The following RIMS1 variants were observed in gnomAD, a reference collection of about 807,000 sequenced individuals.
RIMS1 encodes the protein regulating synaptic membrane exocytosis 1.
A neutral mutation model predicts 214.1 loss-of-function variants in RIMS1; 83 were observed. The ratio of observed to expected loss-of-function variants is 0.39; its 90% confidence interval spans 0.32 to 0.47. The LOEUF is 0.47. RIMS1 is among the 20% of genes least tolerant of loss of function. The probability of loss-of-function intolerance (pLI) is 0.99; values close to 1 mark genes in which losing one functional copy is unlikely to be tolerated. For missense variants in RIMS1, 2,050 were observed against 2,161.8 expected (o/e 0.95, Z 1.03); for synonymous variants, 793 against 786.8 (o/e 1.01, Z -0.13).
intron 29 of RIMS1, among the ~76,000 whole-genome samples, chr6:72,350,771 G>A (rs541408432): frequency 1.3e-5 from 2 of 152,168 alleles, no homozygotes; most frequent in Admixed American, 1.3e-4. Flanking sequence ...TATATCAACA[G>A]GCAAAGAGAG....
intron 2 of RIMS1, among the ~76,000 whole-genome samples, chr6:72,048,860 G>A (rs1331528334): frequency 5.3e-5 from 8 of 152,198 alleles, no homozygotes; most frequent in Admixed American, 4.6e-4. Flanking sequence ...CCTACCATGT[G>A]TTGGCTTTTT....
At chr6:72,365,488 A>G (rs1216185809) in intron 29 of RIMS1, among the ~76,000 whole-genome samples, 4 of 152,248 alleles carry the variant, frequency 2.6e-5, no homozygotes, top group Non-Finnish European at 4.4e-5. Flanking sequence ...ATTCCAAAAT[A>G]TCACTTGCAG....
chr6:72,021,873 C>T (rs933792819), intron 2 of RIMS1, among the ~76,000 whole-genome samples: 1 of 152,134 alleles, frequency 6.6e-6, no homozygotes, highest in African/African-American at 2.4e-5. Flanking sequence ...TCACCCTCAC[C>T]TTTGAGGAGT....
At chr6:72,349,814 C>A (rs2097381837) in intron 29 of RIMS1, among the ~76,000 whole-genome samples, 1 of 151,842 alleles carries the variant, frequency 6.6e-6, no homozygotes, top group Non-Finnish European at 1.5e-5. Context: ...ACCTATTATT[C>A]AATTGTTTTT....
chr6:72,109,375 T>A (rs1056906461), intron 4 of RIMS1, among the ~76,000 whole-genome samples: 1 of 151,372 alleles, frequency 6.6e-6, no homozygotes, highest in African/African-American at 2.4e-5. Context: ...GTTTCCTGAC[T>A]TTTTAATGAT....
At chr6:72,352,967 G>T (rs1210155881) in intron 29 of RIMS1, among the ~76,000 whole-genome samples, 6 of 139,690 alleles carry the variant, frequency 4.3e-5, no homozygotes, top group South Asian at 2.5e-4. Flanking sequence ...TCATTTGAGA[G>T]TTTACATTCT....
chr6:72,042,527 A>C (rs1441713350), intron 2 of RIMS1, among the ~76,000 whole-genome samples: 1 of 151,882 alleles, frequency 6.6e-6, no homozygotes, highest in Non-Finnish European at 1.5e-5. Context: ...TATTTGGAGA[A>C]TATTTCCTTG....
intron 29 of RIMS1, among the ~76,000 whole-genome samples, chr6:72,377,953 C>A (rs1371966073): frequency 6.6e-6 from 1 of 152,168 alleles, no homozygotes; most frequent in Non-Finnish European, 1.5e-5. Context: ...CCCATCCTTA[C>A]AAAAGTATAC....
rs1237551692 is a variant in RIMS1, at chr6:71,886,716, C to T, written c.-308C>T. 1.1e-5 allele frequency: 2 copies of T among 175,944 alleles called. No individual in the cohort carries two copies. The highest frequency in any genetic ancestry group is 2.9e-4 in the East Asian group (2 of 6,964). 10.9% of individuals were successfully genotyped at this position (175,944 alleles called of 1,614,324 possible). On this transcript the variant is annotated 5_prime_UTR_variant, in exon 1 of 34. Coordinates refer to ENST00000521978, the MANE Select transcript of RIMS1 (RefSeq NM_014989.7). ...TCGCCCCCTCGCCTCTCCCGCCGCG[C>T]CTCCGCCTGCCCGCCCCCGCCGGCC...
intron 27 of RIMS1, among the ~76,000 whole-genome samples, chr6:72,307,828 T>C (rs1000423967): frequency 5.9e-5 from 9 of 152,126 alleles, no homozygotes; most frequent in Admixed American, 5.2e-4. Context: ...CAAAAAACTC[T>C]TTCCTCTTGA....
At chr6:72,308,287 G>C (rs1480441096) in intron 27 of RIMS1, among the ~76,000 whole-genome samples, 2 of 151,976 alleles carry the variant, frequency 1.3e-5, no homozygotes, top group African/African-American at 2.4e-5. Flanking sequence ...AAATAAAATA[G>C]CATAGATTTT....
rs117446114 is a variant in RIMS1 at position 72,161,084 on chromosome 6, G to A, written c.472-18491G>A. On this transcript the variant is annotated intron_variant, in intron 4 of 33. Coordinates refer to ENST00000521978, the MANE Select transcript of RIMS1 (RefSeq NM_014989.7). ...TCAGAAGCTGTTATTGGTCTATTAA[G>A]AGATTCCACTTCTTCCTGGTTTAGT... Among the ~76,000 whole-genome samples the A allele has an allele frequency of 1.4e-4, 19 of 140,022 alleles. 3 individuals are homozygous for A. In the East Asian group the frequency reaches 3.6e-3, roughly 27 times the overall value. The allele number at this position is 140,022 out of a possible 152,430, so 91.9% of individuals were successfully genotyped here.
chr6:72,246,901 G>A lies in RIMS1; in HGVS notation c.2128+1040G>A, dbSNP rs2070125293. Among the ~76,000 whole-genome samples the A allele has an allele frequency of 4.6e-5, 7 of 152,268 alleles. No homozygotes were observed. In the South Asian group the frequency reaches 1.5e-3, roughly 32 times the overall value. On this transcript the variant is annotated intron_variant, in intron 11 of 33. Transcript: ENST00000521978. ...AAATATACCTGGGAAAAGACACATAGTAACAATTTTATATAGCTGTTTTTT... is the reference window on the plus strand; with the variant it reads ...AAATATACCTGGGAAAAGACACATAATAACAATTTTATATAGCTGTTTTTT...
At chr6:72,192,281 T>G (rs1375157255) in intron 6 of RIMS1, among the ~76,000 whole-genome samples, 3 of 152,204 alleles carry the variant, frequency 2.0e-5, no homozygotes, top group African/African-American at 7.2e-5. Flanking sequence ...GTCTGGTAGT[T>G]CCTGAAATGT....
At chr6:71,896,807 C>G (rs1427368485) in intron 1 of RIMS1, among the ~76,000 whole-genome samples, 1 of 152,098 alleles carries the variant, frequency 6.6e-6, no homozygotes, top group Non-Finnish European at 1.5e-5. Flanking sequence ...TTTATCTTCT[C>G]TTGAATCTCA....
chr6:72,259,206 A>G (rs2154156056), intron 18 of RIMS1, 95 bp downstream of exon 18: 1 of 976,528 alleles, frequency 1.0e-6, no homozygotes, highest in Admixed American at 2.8e-5. Context: ...GAGTAAAAGT[A>G]TTTATCACTC....
chr6:72,357,206 G>A (rs566666647), intron 29 of RIMS1, among the ~76,000 whole-genome samples: 1 of 152,308 alleles, frequency 6.6e-6, no homozygotes, highest in South Asian at 2.1e-4. Context: ...TAACCTTGCA[G>A]GTTTGGGGTG....
At chr6:72,078,286 A>G (rs1832411540) in intron 2 of RIMS1, among the ~76,000 whole-genome samples, 1 of 152,160 alleles carries the variant, frequency 6.6e-6, no homozygotes, top group South Asian at 2.1e-4. Flanking sequence ...TGTTTAAATT[A>G]TTTTTAGGCA....
intron 2 of RIMS1, among the ~76,000 whole-genome samples, chr6:71,994,914 G>T (rs991776656): frequency 6.6e-6 from 1 of 152,168 alleles, no homozygotes; most frequent in African/African-American, 2.4e-5. Context: ...TTTTGCTTTT[G>T]CATCTCAAAG....
Sources: allele counts gnomAD v4.1 joint callset (sites outside exome capture counted in the v4.1 genomes callset), GRCh38; gene constraint gnomAD v4.1.1; transcripts MANE v1.5; gene names NCBI Gene and HGNC (gene_info 2026-07-23, HGNC 2026-07-21).